The following NELL1 variants were observed in gnomAD, a reference collection of about 807,000 sequenced individuals.
NELL1 encodes protein kinase C-binding protein NELL1.
A neutral mutation model predicts 107.4 loss-of-function variants in NELL1; 76 were observed. The observed-to-expected ratio is 0.71, with a 90% confidence interval of 0.59 to 0.86. The LOEUF is 0.86. Among genes scored for constraint, NELL1 ranks in the 40% least tolerant of loss-of-function variants. NELL1 has a pLI of 0.00. For synonymous variants in NELL1, 353 were observed against 341.2 expected (o/e 1.03, Z -0.38); for missense variants, 1,024 against 1,005.5 (o/e 1.02, Z -0.25).
At chr11:20,950,245 G>C (rs1851043928) in intron 11 of NELL1, among the ~76,000 whole-genome samples, 1 of 152,132 alleles carries the variant, frequency 6.6e-6, no homozygotes, top group South Asian at 2.1e-4. Flanking sequence ...TTGTCCACAT[G>C]CTAGGGCCTG....
intron 3 of NELL1, among the ~76,000 whole-genome samples, chr11:20,802,715 G>A (rs1857304309): frequency 6.6e-6 from 1 of 152,068 alleles, no homozygotes; most frequent in Non-Finnish European, 1.5e-5. Flanking sequence ...TTCATACATG[G>A]CTTTTATTGT....
Position 20,824,032 on chromosome 11 carries a change from C to A in NELL1, c.336-23551C>A, listed in dbSNP as rs368128604. 2.4e-4 allele frequency among the ~76,000 whole-genome samples: 36 copies of A among 151,258 alleles called. No individual in the cohort carries two copies. In the East Asian group the frequency reaches 5.2e-3, roughly 22 times the overall value. On this transcript the variant is annotated intron_variant, in intron 3 of 19. Coordinates refer to ENST00000357134, the MANE Select transcript of NELL1 (RefSeq NM_006157.5). The stretch of plus-strand genomic sequence containing the variant: ...CCCAAATCTCATCTTGAGCTGTAAT[C>A]CAAATTGTAATCCCATGTGTTGGGA...
intron 3 of NELL1, among the ~76,000 whole-genome samples, chr11:20,787,007 CAAAAAAA>C (rs71443763): frequency 3.3e-5 from 2 of 60,854 alleles, no homozygotes; most frequent in African/African-American, 8.1e-5. Context: ...GACTCCGTCT[CAAAAAAA>C]AAAAAAAAAA....
At chr11:20,779,767 C>G (rs1054604227) in intron 2 of NELL1, among the ~76,000 whole-genome samples, 5 of 152,190 alleles carry the variant, frequency 3.3e-5, no homozygotes, top group African/African-American at 1.2e-4. Flanking sequence ...CAGCTATGAG[C>G]AGGATCAAGT....
At chr11:20,871,484 A>G (rs1264047748) in intron 4 of NELL1, among the ~76,000 whole-genome samples, 1 of 152,124 alleles carries the variant, frequency 6.6e-6, no homozygotes, top group Non-Finnish European at 1.5e-5. Flanking sequence ...GTATCTATCT[A>G]TCTAATCTAT....
At chr11:21,340,214 G>A (rs1036204049) in intron 14 of NELL1, among the ~76,000 whole-genome samples, 4 of 152,036 alleles carry the variant, frequency 2.6e-5, no homozygotes, top group South Asian at 2.1e-4. Flanking sequence ...GTGCAATGGC[G>A]CGATCTTGGC....
At position 21,178,519 on chromosome 11, in the gene NELL1, C is replaced by T. The variant is rs115610707; in HGVS notation, c.1427-50813C>T. On this transcript the variant is annotated intron_variant, in intron 13 of 19. Coordinates refer to ENST00000357134, the MANE Select transcript of NELL1 (RefSeq NM_006157.5). ...TCGTAGCTCACACCTGTAATCTCAG[C>T]GCTTTGGGAGGCTGATGCTGGAGGA... Among the ~76,000 whole-genome samples, 1,171 of 151,704 alleles carry T rather than the reference C, an allele frequency of 7.7e-3. 42 individuals carry two copies. The highest frequency in any genetic ancestry group is 0.027 in the African/African-American group (1,103 of 41,098).
intron 3 of NELL1, among the ~76,000 whole-genome samples, chr11:20,822,709 A>T (rs1857785525): frequency 6.6e-6 from 1 of 152,196 alleles, no homozygotes; most frequent in African/African-American, 2.4e-5. Flanking sequence ...ATGATTTGCC[A>T]GGTGTCCAGG....
At chr11:20,883,099 T>C (rs894067220) in intron 4 of NELL1, among the ~76,000 whole-genome samples, 20 of 126,978 alleles carry the variant, frequency 1.6e-4, no homozygotes, top group African/African-American at 6.1e-4. Context: ...AATTCCCTAA[T>C]GCAGACTGCC....
In NELL1 at chr11:21,350,724, C is replaced by T. The variant is rs140361620; in HGVS notation, c.1550-20129C>T. On this transcript the variant is annotated intron_variant, in intron 14 of 19. Coordinates refer to ENST00000357134, the MANE Select transcript of NELL1 (RefSeq NM_006157.5). ...ACTGGAGACAGAGAGTTGAAAGACA[C>T]CATCTGTATGTTTCAGAAGCTCAAG... is the stretch of plus-strand genomic sequence containing the variant. 2.2e-3 allele frequency among the ~76,000 whole-genome samples: 330 copies of T among 152,262 alleles called. 3 individuals carry two copies. The highest frequency in any genetic ancestry group is 5.1e-3 in the African/African-American group (212 of 41,566).
intron 13 of NELL1, among the ~76,000 whole-genome samples, chr11:21,129,898 A>C (rs1855576059): frequency 6.6e-6 from 1 of 152,174 alleles, no homozygotes; most frequent in Admixed American, 6.5e-5. Context: ...AAAATGGTTA[A>C]GAGAGTAACC....
chr11:21,196,687 T>C (rs1857160649), intron 13 of NELL1, among the ~76,000 whole-genome samples: 1 of 152,142 alleles, frequency 6.6e-6, no homozygotes, highest in African/African-American at 2.4e-5. Flanking sequence ...TATTACATGT[T>C]ACTTTACATA....
chr11:20,678,693 G>C (rs1366073303), intron 2 of NELL1, among the ~76,000 whole-genome samples: 1 of 152,178 alleles, frequency 6.6e-6, no homozygotes, highest in Non-Finnish European at 1.5e-5. Flanking sequence ...CCTTGTTACT[G>C]TGTCCTGTGG....
At chr11:20,980,479 T>C (rs10766754) in intron 12 of NELL1, among the ~76,000 whole-genome samples, 26,015 of 152,088 alleles carry the variant, frequency 0.17, 2,564 homozygotes, top group Middle Eastern at 0.28. Flanking sequence ...TAAGACCTCT[T>C]CTGGACCTAG....
intron 13 of NELL1, among the ~76,000 whole-genome samples, chr11:21,138,481 T>C (rs139614492): frequency 6.6e-6 from 1 of 152,326 alleles, no homozygotes; most frequent in East Asian, 1.9e-4. Flanking sequence ...ACACATGGTT[T>C]GTTTTGACCT....
intron 15 of NELL1, among the ~76,000 whole-genome samples, chr11:21,455,477 G>A (rs1853704549): frequency 6.6e-6 from 1 of 151,680 alleles, no homozygotes; most frequent in African/African-American, 2.4e-5. Flanking sequence ...GACTACAGGT[G>A]CATGTCACCA....
At chr11:21,189,075 G>A (rs1206069128) in intron 13 of NELL1, among the ~76,000 whole-genome samples, 1 of 151,752 alleles carries the variant, frequency 6.6e-6, no homozygotes, top group Non-Finnish European at 1.5e-5. Context: ...ATATCATAAT[G>A]TATATATTCA....
chr11:21,362,861 C>T (rs562598993), intron 14 of NELL1, among the ~76,000 whole-genome samples: 2 of 152,212 alleles, frequency 1.3e-5, no homozygotes, highest in South Asian at 2.1e-4. Context: ...GCTGCAGCCA[C>T]AGTGGAGAAT....
At chr11:21,394,144 T>C (rs912444485) in intron 15 of NELL1, among the ~76,000 whole-genome samples, 11 of 151,730 alleles carry the variant, frequency 7.2e-5, no homozygotes, top group African/African-American at 1.2e-4. Context: ...CTCCTTTACT[T>C]CTTACACTCA....
Sources: gnomAD v4.1 joint callset for allele counts (sites outside exome capture counted in the v4.1 genomes callset) on GRCh38, gnomAD v4.1.1 for gene constraint, MANE v1.5 for transcripts, NCBI Gene and HGNC (gene_info 2026-07-23, HGNC 2026-07-21) for gene names.